The following BICDL1 variants were observed in gnomAD, a reference collection of about 807,000 sequenced individuals.
BICDL1 encodes the protein BICD family-like cargo adapter 1.
Under a neutral mutation model 76.8 loss-of-function variants are expected in BICDL1, and 20 were observed. The ratio of observed to expected loss-of-function variants is 0.26; its 90% CI spans 0.18 to 0.38. The LOEUF (loss-of-function observed/expected upper bound fraction) is 0.38, where lower values mean the gene tolerates loss of function less well. Ranked by LOEUF, BICDL1 falls within the 10% of genes least tolerant of loss-of-function variation. BICDL1 has a pLI of 1.00. For missense variants in BICDL1, 700 were observed against 798.6 expected, an observed-to-expected ratio of 0.88 and a Z score of 1.49; for synonymous variants, 383 against 337.1, an observed-to-expected ratio of 1.14 and a Z score of -1.49.
intron 2 of BICDL1, among the ~76,000 whole-genome samples, chr12:120,051,923 A>C (rs1381609068): frequency 6.6e-6 from 1 of 151,190 alleles, no homozygotes; most frequent in Non-Finnish European, 1.5e-5. Context: ...CCAGTTTCTC[A>C]GTCTTTGTTG....
chr12:120,066,391 A>G (rs558078490), intron 4 of BICDL1, among the ~76,000 whole-genome samples: 1 of 152,208 alleles, frequency 6.6e-6, no homozygotes, highest in Non-Finnish European at 1.5e-5. Context: ...TGCCTAAAAG[A>G]AACTTTCAGT....
chr12:120,093,808 C>T lies in BICDL1; in HGVS notation c.*647C>T, dbSNP rs1399232137. 7 of 184,948 alleles carry T rather than the reference C, an allele frequency of 3.8e-5. No individual in the cohort carries two copies. The highest frequency in any genetic ancestry group is 2.3e-5 in the Non-Finnish European group (2 of 87,024). 11.5% of individuals were successfully genotyped at this position (184,948 alleles called of 1,614,324 possible). On this transcript the variant is annotated 3_prime_UTR_variant, in exon 10 of 10. Transcript: ENST00000548673. ...CCAGGGAGGAAGAAGGCCCTGTCCCCCTGTCGCCACTGCTCTCCCTCCCAG... is the reference window on the plus strand; with the variant it reads ...CCAGGGAGGAAGAAGGCCCTGTCCCTCTGTCGCCACTGCTCTCCCTCCCAG...
chr12:119,996,549 A>G (rs1398684243), intron 1 of BICDL1, among the ~76,000 whole-genome samples: 1 of 152,172 alleles, frequency 6.6e-6, no homozygotes, highest in Non-Finnish European at 1.5e-5. Context: ...GCCTCTCAAG[A>G]TAAGGAGATG....
At chr12:119,998,417 G>T in intron 1 of BICDL1, 104 bp from the exon 2 acceptor site, 3 of 918,602 alleles carry the variant, frequency 3.3e-6, no homozygotes, top group East Asian at 2.7e-5. Flanking sequence ...GTGTTTTATT[G>T]TGTCTACTGA....
In BICDL1 at chr12:120,071,013, A is replaced by G. The variant is rs1477048375; in HGVS notation, c.910-609A>G. 6.6e-6 allele frequency among the ~76,000 whole-genome samples: 1 copy of G among 152,092 alleles called. No individual in the cohort carries two copies. The highest frequency in any genetic ancestry group is 2.4e-5 in the African/African-American group (1 of 41,414). On this transcript the variant is annotated intron_variant, in intron 4 of 9. Coordinates refer to ENST00000548673, the MANE Select transcript of BICDL1 (RefSeq NM_001367886.1). The surrounding 1 kb of genome is among the most constrained non-coding windows in gnomAD (Gnocchi z 4.8). ...CCAAAATGCTGGTGTTACAGGCGTG[A>G]GCCACCACGCCCGGCCTGGTTGGTA...
At chr12:120,070,591 A>G (rs994369358) in intron 4 of BICDL1, among the ~76,000 whole-genome samples, 1 of 152,216 alleles carries the variant, frequency 6.6e-6, no homozygotes, top group African/African-American at 2.4e-5. Context: ...AAAAATTAGC[A>G]TATTTTCTTA....
intron 2 of BICDL1, among the ~76,000 whole-genome samples, chr12:120,011,760 G>GT (rs1261968003): frequency 2.7e-5 from 4 of 149,720 alleles, no homozygotes; most frequent in African/African-American, 7.4e-5. Context: ...CATAATAGAG[G>GT]TTTTTTTCTC....
chr12:120,064,374 ACTC>A (rs1953174112), intron 3 of BICDL1, among the ~76,000 whole-genome samples: 1 of 150,616 alleles, frequency 6.6e-6, no homozygotes, highest in African/African-American at 2.4e-5. Context: ...GTTAGGTTCC[ACTC>A]CTCCTGCCAG....
In BICDL1 at chr12:119,998,682, G is replaced by A. The variant is rs1566203567; in HGVS notation, c.591G>A (p.Arg197=). The change falls in exon 2 of 10, where the codon CGG becomes CGA. Residue 197 remains arginine (R), a synonymous_variant. Transcript: ENST00000548673. ...HLREADREKS[R]AVQELSEQNQ... is the part of the protein sequence containing the mutation. The stretch of plus-strand genomic sequence containing the variant: ...GGGAAGCAGATCGAGAAAAATCACG[G>A]GCTGTCCAGGAACTGTCGGAACAGA... The A allele has an allele frequency of 1.2e-6, 2 of 1,614,092 alleles. No homozygotes were observed. The highest frequency in any genetic ancestry group is 8.5e-7 in the Non-Finnish European group (1 of 1,180,010).
At chr12:120,027,289 T>A (rs1473238803) in intron 2 of BICDL1, among the ~76,000 whole-genome samples, 1 of 152,136 alleles carries the variant, frequency 6.6e-6, no homozygotes, top group Non-Finnish European at 1.5e-5. Context: ...CCCAAAGTGC[T>A]GGGATTACAG....
At position 120,056,716 on chromosome 12, in the gene BICDL1, C is replaced by CA. The variant is rs546048489; in HGVS notation, c.646-4980dup. Among the ~76,000 whole-genome samples, 365 of 124,570 alleles carry CA rather than the reference C, an allele frequency of 2.9e-3. 1 individual carries two copies. The highest frequency in any genetic ancestry group is 0.013 in the South Asian group (53 of 3,956). 81.7% of individuals were successfully genotyped at this position (124,570 alleles called of 152,430 possible). A position where few individuals can be genotyped will look rare whatever the true frequency, so the allele number is the denominator to read the frequency against. ...TGGGTGACAGAGCGAGACTCCGTCT[C>CA]AAAAAAAAAAAAAAGTGAAAGAGAA... On this transcript the variant is annotated intron_variant, in intron 2 of 9. Coordinates refer to ENST00000548673, the MANE Select transcript of BICDL1 (RefSeq NM_001367886.1).
chr12:120,092,463 C>T lies in BICDL1; in HGVS notation c.1705-537C>T, dbSNP rs141292871. On this transcript the variant is annotated intron_variant, in intron 9 of 9. Coordinates refer to ENST00000548673, the MANE Select transcript of BICDL1 (RefSeq NM_001367886.1). Reference sequence around the variant, plus strand: ...GGCAGCACCCAGGGCATCCTTGCCACGTGAGGCTGCCGTTGGTGCCTGGGC... The same window carrying T: ...GGCAGCACCCAGGGCATCCTTGCCATGTGAGGCTGCCGTTGGTGCCTGGGC... 6.8e-3 allele frequency: 6,693 copies of T among 985,466 alleles called. 100 individuals carry two copies. The highest frequency in any genetic ancestry group is 0.061 in the Middle Eastern group (116 of 1,914). 61.0% of individuals were successfully genotyped at this position (985,466 alleles called of 1,614,324 possible).
At chr12:120,084,160 G>A (rs1874215059) in intron 8 of BICDL1, among the ~76,000 whole-genome samples, 1 of 152,004 alleles carries the variant, frequency 6.6e-6, no homozygotes, top group Non-Finnish European at 1.5e-5. Context: ...GTGCCACCAT[G>A]CCCTGCTAAT....
chr12:120,070,932 G>A (rs1490275619), intron 4 of BICDL1, among the ~76,000 whole-genome samples: 2 of 151,870 alleles, frequency 1.3e-5, no homozygotes, highest in Non-Finnish European at 1.5e-5. Context: ...ATTTCACCAT[G>A]TTGGCCAGGC....
At position 120,093,473 on chromosome 12, in the gene BICDL1, G is replaced by C. The variant is rs1875162018; in HGVS notation, c.*312G>C. On this transcript the variant is annotated 3_prime_UTR_variant, in exon 10 of 10. Coordinates refer to ENST00000548673, the MANE Select transcript of BICDL1 (RefSeq NM_001367886.1). ...GGGCCCCTTGGTGTTGGGCTTTGCA[G>C]CTCACACCCAACAGATCGCAGCCCA... The C allele has an allele frequency of 2.7e-6, 1 of 367,280 alleles. No homozygotes were observed. The highest frequency in any genetic ancestry group is 4.3e-5 in the Admixed American group (1 of 23,402). The allele number at this position is 367,280 out of a possible 1,614,324, so 22.8% of individuals were successfully genotyped here.
At chr12:120,053,149 G>A (rs1264133423) in intron 2 of BICDL1, among the ~76,000 whole-genome samples, 1 of 151,592 alleles carries the variant, frequency 6.6e-6, no homozygotes, top group Non-Finnish European at 1.5e-5. Flanking sequence ...GCGCAATCTC[G>A]GCTCACCACA....
At chr12:120,057,879 G>A (rs1267264649) in intron 2 of BICDL1, among the ~76,000 whole-genome samples, 1 of 142,736 alleles carries the variant, frequency 7.0e-6, no homozygotes, top group Non-Finnish European at 1.5e-5. Context: ...CGCCCAGGCT[G>A]GAGTGCAGTG....
intron 1 of BICDL1, chr12:119,992,507 T>A (rs914881556): frequency 1.3e-5 from 2 of 152,252 alleles, no homozygotes; most frequent in African/African-American, 4.8e-5. Context: ...CTCAGCCTCC[T>A]GAGTAGCTGG....
At chr12:119,994,858 A>G (rs930658982) in intron 1 of BICDL1, among the ~76,000 whole-genome samples, 3 of 152,206 alleles carry the variant, frequency 2.0e-5, no homozygotes, top group African/African-American at 7.2e-5. Flanking sequence ...GAGTTTGCAT[A>G]TACCCTGCAC....
Sources: allele counts gnomAD v4.1 joint callset (sites outside exome capture counted in the v4.1 genomes callset), GRCh38; gene constraint gnomAD v4.1.1; non-coding constraint Gnocchi (gnomAD v3.1); transcripts MANE v1.5; gene names NCBI Gene and HGNC (gene_info 2026-07-23, HGNC 2026-07-21).